NEO1: variants seen among roughly 807,000 people sequenced by gnomAD.
NEO1 encodes the protein neogenin.
Under a neutral mutation model 159.7 loss-of-function variants are expected in NEO1, and 63 were observed. That is an observed-to-expected ratio of 0.39 (90% CI 0.32 to 0.49). NEO1 has a LOEUF of 0.49. Ranked by LOEUF, NEO1 falls within the 20% of genes least tolerant of loss-of-function variation. NEO1 has a pLI of 0.85. For missense variants in NEO1, 1,615 were observed against 1,831.0 expected (o/e 0.88, Z 2.15); for synonymous variants, 633 against 662.0 (o/e 0.96, Z 0.67).
chr15:73,102,250 C>T (rs2070442519), intron 1 of NEO1, among the ~76,000 whole-genome samples: 1 of 152,112 alleles, frequency 6.6e-6, no homozygotes, highest in South Asian at 2.1e-4. Flanking sequence ...CCTGTAGTCA[C>T]AGCTATTCGG....
At chr15:73,149,160 C>T (rs553203343) in intron 5 of NEO1, among the ~76,000 whole-genome samples, 1 of 152,048 alleles carries the variant, frequency 6.6e-6, no homozygotes, top group African/African-American at 2.4e-5. Flanking sequence ...ACCAAAAATA[C>T]AAAAATTAGC....
At chr15:73,068,224 C>CA (rs2068326071) in intron 1 of NEO1, among the ~76,000 whole-genome samples, 1 of 57,368 alleles carries the variant, frequency 1.7e-5, no homozygotes, top group Admixed American at 1.7e-4. Flanking sequence ...TGTCCCCCTA[C>CA]CCCCCCCCCT....
At chr15:73,155,782 A>G (rs968495315) in intron 5 of NEO1, among the ~76,000 whole-genome samples, 3 of 152,200 alleles carry the variant, frequency 2.0e-5, no homozygotes, top group East Asian at 1.9e-4. Flanking sequence ...AATTCCTTCA[A>G]TGAATTGTTC....
intron 7 of NEO1, among the ~76,000 whole-genome samples, chr15:73,226,505 G>A (rs1375440114): frequency 6.6e-6 from 1 of 152,172 alleles, no homozygotes; most frequent in Non-Finnish European, 1.5e-5. Flanking sequence ...AACAGAAGAG[G>A]TGCTAGGAGT....
In NEO1 at chr15:73,070,446, C is replaced by T. The variant is rs530569291; in HGVS notation, c.130+17641C>T. ...TAACTCATGTGAGTGTAACTCAACT[C>T]GGTAGAAATATTTAAGGAGCATTTG... On this transcript the variant is annotated intron_variant, in intron 1 of 28. Transcript: ENST00000261908. 1.4e-3 allele frequency among the ~76,000 whole-genome samples: 207 copies of T among 152,126 alleles called. 4 individuals carry two copies. The highest frequency in any genetic ancestry group is 1.3e-3 in the Non-Finnish European group (90 of 68,016).
rs1360411825 is a variant in NEO1, at chr15:73,304,532, T to C, written c.*1836T>C. ...TTACAAGATGAACTCTTTGTATTTA[T>C]GATTTGGGGGGCAATGAAAGGTGCA... On this transcript the variant is annotated 3_prime_UTR_variant, in exon 29 of 29. Coordinates refer to ENST00000261908, the MANE Select transcript of NEO1 (RefSeq NM_002499.4). The C allele has an allele frequency of 1.3e-5, 2 of 152,326 alleles. 1 individual carries two copies. The highest frequency in any genetic ancestry group is 4.1e-4 in the South Asian group (2 of 4,830). 9.4% of individuals were successfully genotyped at this position (152,326 alleles called of 1,614,324 possible).
chr15:73,187,369 A>T (rs1265373961), intron 7 of NEO1, among the ~76,000 whole-genome samples: 1 of 151,980 alleles, frequency 6.6e-6, no homozygotes, highest in Non-Finnish European at 1.5e-5. Context: ...TATATTCTTC[A>T]TTCTCCTGCT....
chr15:73,193,502 C>T (rs1437902963), intron 7 of NEO1, among the ~76,000 whole-genome samples: 1 of 151,074 alleles, frequency 6.6e-6, no homozygotes, highest in East Asian at 1.9e-4. Flanking sequence ...CTTATGTTCT[C>T]TTAATTTCAA....
intron 5 of NEO1, among the ~76,000 whole-genome samples, chr15:73,175,359 C>G (rs906390531): frequency 2.0e-5 from 3 of 152,094 alleles, no homozygotes; most frequent in African/African-American, 4.8e-5. Context: ...TTTGAAATAC[C>G]TAGGTATTTA....
chr15:73,193,889 T>C (rs969666203), intron 7 of NEO1, among the ~76,000 whole-genome samples: 3 of 152,026 alleles, frequency 2.0e-5, no homozygotes, highest in Non-Finnish European at 4.4e-5. Flanking sequence ...ACGTGGCATG[T>C]GAGCCGAGCC....
At chr15:73,289,965 A>G (rs1343080150) in intron 25 of NEO1, among the ~76,000 whole-genome samples, 1 of 151,902 alleles carries the variant, frequency 6.6e-6, no homozygotes, top group East Asian at 1.9e-4. Flanking sequence ...AAATAAAAAA[A>G]ATAAAGCCAG....
intron 1 of NEO1, among the ~76,000 whole-genome samples, chr15:73,086,988 A>G (rs2069404580): frequency 6.6e-6 from 1 of 151,954 alleles, no homozygotes; most frequent in African/African-American, 2.4e-5. Context: ...TTTCATTTGT[A>G]TGTCTTCTGT....
intron 7 of NEO1, among the ~76,000 whole-genome samples, chr15:73,229,082 TA>T (rs2038760341): frequency 6.6e-6 from 1 of 152,298 alleles, no homozygotes; most frequent in Non-Finnish European, 1.5e-5. Flanking sequence ...GCATTTCTTC[TA>T]GCATTTTGCA....
chr15:73,169,748 A>G (rs536013725), intron 5 of NEO1, among the ~76,000 whole-genome samples: 3 of 147,306 alleles, frequency 2.0e-5, no homozygotes, highest in African/African-American at 7.5e-5. Flanking sequence ...CTTTAGACTC[A>G]AGGAATATGT....
At chr15:73,266,176 C>T (rs1372262107) in intron 15 of NEO1, 140 bp from the exon 16 acceptor site, 1 of 619,650 alleles carries the variant, frequency 1.6e-6, no homozygotes, top group African/African-American at 1.8e-5. Flanking sequence ...TATCTCCCTA[C>T]AACCTGAAAT....
At position 73,304,626 on chromosome 15, in the gene NEO1, T is replaced by C. The variant is rs1265869722; in HGVS notation, c.*1930T>C. Reference sequence around the variant, plus strand: ...GCCAGGCGGGATTCTGGAAAACCAGTGCACTTAAACTGATCCTGAAGAGAG... The same window carrying C: ...GCCAGGCGGGATTCTGGAAAACCAGCGCACTTAAACTGATCCTGAAGAGAG... On this transcript the variant is annotated 3_prime_UTR_variant, in exon 29 of 29. Coordinates refer to ENST00000261908, the MANE Select transcript of NEO1 (RefSeq NM_002499.4). 1 of 152,188 alleles carries C rather than the reference T, an allele frequency of 6.6e-6. No individual in the cohort carries two copies. The highest frequency in any genetic ancestry group is 2.4e-5 in the African/African-American group (1 of 41,440). The allele number at this position is 152,188 out of a possible 1,614,324, so 9.4% of individuals were successfully genotyped here. A position where few individuals can be genotyped will look rare whatever the true frequency, so the allele number is the denominator to read the frequency against.
rs534046937 is a variant in NEO1, at chr15:73,218,358, G to T, written c.1292-17989G>T. ...TTTTATTGAGGATTTTTGCATCAATGTTCATCAAGGATATTGGTCTAAAAT... is the reference window on the plus strand; with the variant it reads ...TTTTATTGAGGATTTTTGCATCAATTTTCATCAAGGATATTGGTCTAAAAT... On this transcript the variant is annotated intron_variant, in intron 7 of 28. Transcript: ENST00000261908. Among the ~76,000 whole-genome samples the T allele has an allele frequency of 3.1e-3, 470 of 150,732 alleles. 6 individuals carry two copies. Among genetic ancestry groups the T allele is most frequent in the African/African-American group, 0.01 (413 of 41,018 alleles).
rs772674552 is a variant in NEO1, at chr15:73,298,533, G to C, written c.4087G>C (p.Ala1363Pro). ...CCCTTCCCACCCATTGAAGAGCTTC[G>C]CCGTGCCAGCAATCCCGCCTCCAGG... ...VRPSHPLKSFAVPAIPPPGPP... is the reference protein window; with the variant it reads ...VRPSHPLKSFPVPAIPPPGPP... Residue 1363 changes from alanine (A) to proline (P), a missense_variant, in exon 27 of 29, where the codon GCC (alanine) becomes CCC (proline). Around this residue, in one of 3 missense-constraint regions of NEO1, gnomAD observed 471 missense variants for 498.9 expected, o/e 0.94. Coordinates refer to ENST00000261908, the MANE Select transcript of NEO1 (RefSeq NM_002499.4). 1 of 1,614,064 alleles carries C rather than the reference G, an allele frequency of 6.2e-7. No homozygotes were observed. Among genetic ancestry groups the C allele is most frequent in the South Asian group, 1.1e-5 (1 of 91,078 alleles).
Position 73,124,204 on chromosome 15 carries a change from G to A in NEO1, c.724+1404G>A, listed in dbSNP as rs149073072. On this transcript the variant is annotated intron_variant, in intron 3 of 28. Coordinates refer to ENST00000261908, the MANE Select transcript of NEO1 (RefSeq NM_002499.4). ...CAGCCTACGAGTAGCTGGGACAAAC[G>A]GTACACACCACCACATCTGGCTAAT... Among the ~76,000 whole-genome samples, 79 of 151,948 alleles carry A rather than the reference G, an allele frequency of 5.2e-4. 2 individuals carry two copies. Among genetic ancestry groups the A allele is most frequent in the African/African-American group, 1.9e-3 (77 of 41,456 alleles).
Sources: gnomAD v4.1 joint callset for allele counts (sites outside exome capture counted in the v4.1 genomes callset) on GRCh38, gnomAD v4.1.1 for gene constraint, gnomAD v4.1.1 regional missense constraint, MANE v1.5 for transcripts, NCBI Gene and HGNC (gene_info 2026-07-23, HGNC 2026-07-21) for gene names.